The following NOC2L variants were observed in gnomAD, a reference collection of about 807,000 sequenced individuals.
The protein encoded by NOC2L is nucleolar complex protein 2 homolog.
Under a neutral mutation model 94.2 loss-of-function variants are expected in NOC2L, and 101 were observed. That is an observed-to-expected ratio of 1.07 (90% CI 0.91 to 1.26). The LOEUF (loss-of-function observed/expected upper bound fraction) is 1.26. NOC2L is among the 50% of genes most tolerant of loss of function. NOC2L has a pLI of 0.00. For synonymous variants in NOC2L, 531 were observed against 413.4 expected, an observed-to-expected ratio of 1.28 and a Z score of -3.45; for missense variants, 1,076 against 980.1, an observed-to-expected ratio of 1.10 and a Z score of -1.31.
At position 952,544 on chromosome 1, in the gene NOC2L, G is replaced by A. The variant is rs767621017; in HGVS notation, c.1059C>T (p.Pro353=). The A allele has an allele frequency of 8.1e-6, 13 of 1,613,806 alleles. No individual in the cohort carries two copies. The highest frequency in any genetic ancestry group is 2.2e-5 in the South Asian group (2 of 91,088). The change falls in exon 10 of 19, where the codon CCC becomes CCT. Residue 353 remains proline, a synonymous_variant. Transcript: ENST00000327044. Reference sequence around the variant, plus strand: ...AGGTCCACTGCATGAAACTGATGAAGGGGAGGGCACCAGGCGAGGTGAACT... The same window carrying A: ...AGGTCCACTGCATGAAACTGATGAAAGGGAGGGCACCAGGCGAGGTGAACT... ...NCKFTSPGAL[P]FISFMQWTLT... is the part of the protein sequence containing the mutation.
intron 18 of NOC2L, 21 bp from the exon 19 acceptor site, chr1:944,821 T>C (rs527571882): frequency 1.0e-5 from 15 of 1,496,096 alleles, no homozygotes; most frequent in Non-Finnish European, 1.4e-5. Flanking sequence ...AGATGGAGGC[T>C]ACATAAATTT....
chr1:944,453 T>C lies in NOC2L; in HGVS notation c.*241A>G. On this transcript the variant is annotated 3_prime_UTR_variant, in exon 19 of 19. Transcript: ENST00000327044. ...TCGGTCTGCTGACGTCAGGGTCAGCTCCCCCGCGGAGCTGACTTCAGCAGC... is the reference window on the plus strand; with the variant it reads ...TCGGTCTGCTGACGTCAGGGTCAGCCCCCCCGCGGAGCTGACTTCAGCAGC... 3.5e-6 allele frequency: 3 copies of C among 862,286 alleles called. No homozygotes were observed. Among genetic ancestry groups the C allele is most frequent in the East Asian group, 3.1e-5 (1 of 32,232 alleles). The allele number at this position is 862,286 out of a possible 1,614,324, so 53.4% of individuals were successfully genotyped here. A position where few individuals can be genotyped will look rare whatever the true frequency, so the allele number is the denominator to read the frequency against.
chr1:954,737 G>A (rs1333003978), intron 6 of NOC2L, among the ~76,000 whole-genome samples: 1 of 151,590 alleles, frequency 6.6e-6, no homozygotes, highest in South Asian at 2.1e-4. Flanking sequence ...TAAGGTGAGA[G>A]AATCACTTGA....
chr1:951,946 G>A (rs1642271163), intron 11 of NOC2L, 54 bp downstream of exon 11: 1 of 1,567,606 alleles, frequency 6.4e-7, no homozygotes, highest in Non-Finnish European at 8.7e-7. Flanking sequence ...CACAGTCCCA[G>A]CAAATTTGCT....
chr1:946,128 C>T (rs1213499639), intron 16 of NOC2L, 45 bp downstream of exon 16: 1 of 1,398,024 alleles, frequency 7.2e-7, no homozygotes, highest in Non-Finnish European at 1.0e-6. Flanking sequence ...GATCTGAAAC[C>T]CAGGAAGTCA....
At position 954,053 on chromosome 1, in the gene NOC2L, C is replaced by T. The variant is rs752562459; in HGVS notation, c.728G>A (p.Trp243Ter). 1 of 1,610,342 alleles carries T rather than the reference C, an allele frequency of 6.2e-7. No homozygotes were observed. The highest frequency in any genetic ancestry group is 8.5e-7 in the Non-Finnish European group (1 of 1,177,620). The change falls in exon 7 of 19, where the codon TGG (tryptophan) becomes TAG (stop). Residue 243 changes from tryptophan to a stop codon, truncating the protein, a stop_gained. Coordinates refer to ENST00000327044, the MANE Select transcript of NOC2L (RefSeq NM_015658.4). LOFTEE classifies it high-confidence loss of function. ...CTTGATGTCCACACGAAGCTTCCCC[C>T]AGAGCGGGCTGCTGGACGGCTGCAG... is the stretch of plus-strand genomic sequence containing the variant. ...RMLQPSSSPL[W>*]GKLRVDIKAY...
chr1:956,979 T>C lies in NOC2L; in HGVS notation c.401A>G (p.Asp134Gly). 1 of 1,614,100 alleles carries C rather than the reference T, an allele frequency of 6.2e-7. No homozygotes were observed. The highest frequency in any genetic ancestry group is 8.5e-7 in the Non-Finnish European group (1 of 1,180,030). The change falls in exon 4 of 19, where the codon GAC becomes GGC. Residue 134 changes from aspartate (D) to glycine (G), a missense_variant. By Grantham distance (94) the Asp-to-Gly change is moderately conservative. Transcript: ENST00000327044. ...CCCCTTCAGCCCTCTGGGGACTCTG[T>C]CCCCATCTTCTCCTTCCTCCGCTCC... ...EDGAEEGEDG[D>G]RVPRGLKGKK... is the part of the protein sequence containing the mutation.
In NOC2L at chr1:944,449, C is replaced by G. The variant is rs1374264722; in HGVS notation, c.*245G>C. 5 of 905,570 alleles carry G rather than the reference C, an allele frequency of 5.5e-6. No homozygotes were observed. In the East Asian group the frequency reaches 1.5e-4, roughly 28 times the overall value. 56.1% of individuals were successfully genotyped at this position (905,570 alleles called of 1,614,324 possible). A position where few individuals can be genotyped will look rare whatever the true frequency, so the allele number is the denominator to read the frequency against. Reference sequence around the variant, plus strand: ...GGTCTCGGTCTGCTGACGTCAGGGTCAGCTCCCCCGCGGAGCTGACTTCAG... The same window carrying G: ...GGTCTCGGTCTGCTGACGTCAGGGTGAGCTCCCCCGCGGAGCTGACTTCAG... On this transcript the variant is annotated 3_prime_UTR_variant, in exon 19 of 19. Transcript: ENST00000327044.
At chr1:957,664 C>G (rs1352460533) in intron 2 of NOC2L, 2 of 209,070 alleles carry the variant, frequency 9.6e-6, no homozygotes, top group Non-Finnish European at 2.0e-5. Flanking sequence ...GTCATCAGAT[C>G]TCATCAGCAA....
intron 4 of NOC2L, 121 bp downstream of exon 4, chr1:956,773 G>A (rs1642415063): frequency 1.4e-6 from 2 of 1,453,034 alleles, no homozygotes; most frequent in African/African-American, 1.4e-5. Context: ...CCTCAGGTGA[G>A]GCAAGGCCAG....
chr1:952,878 C>T (rs1642297509), intron 9 of NOC2L, among the ~76,000 whole-genome samples: 1 of 152,200 alleles, frequency 6.6e-6, no homozygotes, highest in African/African-American at 2.4e-5. Context: ...GGACTGTACC[C>T]TGGCCATGGC....
Position 944,677 on chromosome 1 carries a change from C to A in NOC2L, c.*17G>T. On this transcript the variant is annotated 3_prime_UTR_variant, in exon 19 of 19. Coordinates refer to ENST00000327044, the MANE Select transcript of NOC2L (RefSeq NM_015658.4). ...CACCAGCCCGGCAGCCCCTACAGGCCCCCCAGATGGGCTGCCTCAGTCGTC... is the reference window on the plus strand; with the variant it reads ...CACCAGCCCGGCAGCCCCTACAGGCACCCCAGATGGGCTGCCTCAGTCGTC... 6.6e-7 allele frequency: 1 copy of A among 1,525,080 alleles called. No homozygotes were observed. Among genetic ancestry groups the A allele is most frequent in the Non-Finnish European group, 9.0e-7 (1 of 1,116,642 alleles). The allele number at this position is 1,525,080 out of a possible 1,614,324, so 94.5% of individuals were successfully genotyped here. A position where few individuals can be genotyped will look rare whatever the true frequency, so the allele number is the denominator to read the frequency against.
rs1440153909 is a variant in NOC2L at position 958,362 on chromosome 1, C to T, written c.179+567G>A. On this transcript the variant is annotated intron_variant, in intron 2 of 18. Transcript: ENST00000327044. ...CCGCCTCCCAAGTTCAAGCGATTCTCCTGCCTCAGCCTCCCGAGTAGTTGG... is the reference window on the plus strand; with the variant it reads ...CCGCCTCCCAAGTTCAAGCGATTCTTCTGCCTCAGCCTCCCGAGTAGTTGG... The T allele has an allele frequency of 7.4e-6, 2 of 271,774 alleles. 1 individual carries two copies. The highest frequency in any genetic ancestry group is 1.5e-5 in the Non-Finnish European group (2 of 136,986). 16.8% of individuals were successfully genotyped at this position (271,774 alleles called of 1,614,324 possible). A position where few individuals can be genotyped will look rare whatever the true frequency, so the allele number is the denominator to read the frequency against.
intron 18 of NOC2L, 82 bp downstream of exon 18, chr1:944,975 C>T: frequency 1.3e-6 from 2 of 1,599,792 alleles, no homozygotes; most frequent in East Asian, 2.2e-5. Flanking sequence ...GGCCCAGAGC[C>T]CCACGCCCCC....
chr1:948,435 C>A lies in NOC2L; in HGVS notation c.1557+55G>T, dbSNP rs1026484897. On this transcript the variant is annotated intron_variant, in intron 13 of 18. Transcript: ENST00000327044. ...CAGCCCCCTCCCATCCACCTCAGCA[C>A]CCCCAACCCCACCCTGGGAACTGCC... 4 of 1,370,076 alleles carry A rather than the reference C, an allele frequency of 2.9e-6. No homozygotes were observed. In the African/African-American group the frequency reaches 4.3e-5, roughly 15 times the overall value. The allele number at this position is 1,370,076 out of a possible 1,614,324, so 84.9% of individuals were successfully genotyped here. A position where few individuals can be genotyped will look rare whatever the true frequency, so the allele number is the denominator to read the frequency against.
At chr1:955,208 A>G (rs1489761884) in intron 6 of NOC2L, among the ~76,000 whole-genome samples, 1 of 152,376 alleles carries the variant, frequency 6.6e-6, no homozygotes, top group East Asian at 1.9e-4. Context: ...CCATGTGGAC[A>G]TGGCTCTGTT....
At position 948,227 on chromosome 1, in the gene NOC2L, G is replaced by A; in HGVS notation, c.1563C>T (p.Gly521=). The change falls in exon 14 of 19, where the codon GGC becomes GGT. Residue 521 remains glycine (G), a synonymous_variant. Transcript: ENST00000327044. ...TGAGGTCGTACAGCTGCTCCACCAG[G>A]CCGTCCTGAAGAGCAGGAGAGAGGG... ...VNLQEKAYRD[G]LVEQLYDLTL... 1.3e-6 allele frequency: 2 copies of A among 1,578,898 alleles called. No homozygotes were observed. The highest frequency in any genetic ancestry group is 8.6e-7 in the Non-Finnish European group (1 of 1,162,384).
rs764097872 is a variant in NOC2L at position 953,876 on chromosome 1, G to A, written c.794C>T (p.Ser265Leu). ...GSAIQLVSCL[S>L]ETTVLAAVLR... Reference sequence around the variant, plus strand: ...CACGGCCGCCAACACCGTCGTCTCCGACAGACAGGACACCAGCTGGGGGCA... The same window carrying A: ...CACGGCCGCCAACACCGTCGTCTCCAACAGACAGGACACCAGCTGGGGGCA... The change falls in exon 8 of 19, where the codon TCG becomes TTG. Residue 265 changes from serine (S) to leucine (L), a missense_variant. Ser to Leu is a moderately radical substitution (Grantham distance 145, BLOSUM62 -2). Coordinates refer to ENST00000327044, the MANE Select transcript of NOC2L (RefSeq NM_015658.4). 7.0e-5 allele frequency: 113 copies of A among 1,613,034 alleles called. No homozygotes were observed. Among genetic ancestry groups the A allele is most frequent in the East Asian group, 3.3e-4 (15 of 44,886 alleles).
At position 955,948 on chromosome 1, in the gene NOC2L, C is replaced by T. The variant is rs780202164; in HGVS notation, c.673G>A (p.Gly225Arg). Reference sequence around the variant, plus strand: ...CTGCTGCTATCCTTTGCCACCTTTCCAAACAGCAGCTTCTGGAGACAGCCA... The same window carrying T: ...CTGCTGCTATCCTTTGCCACCTTTCTAAACAGCAGCTTCTGGAGACAGCCA... ...LIGCLQKLLF[G>R]KVAKDSSRML... The change falls in exon 6 of 19, where the codon GGA (glycine) becomes AGA (arginine). Residue 225 changes from glycine to arginine, a missense_variant. This residue lies in a region of NOC2L where 457 missense variants were observed against 386.0 expected (regional missense o/e 1.18). Coordinates refer to ENST00000327044, the MANE Select transcript of NOC2L (RefSeq NM_015658.4). The T allele has an allele frequency of 6.2e-7, 1 of 1,613,884 alleles. No individual in the cohort carries two copies. Among genetic ancestry groups the T allele is most frequent in the African/African-American group, 1.3e-5 (1 of 74,888 alleles).
Sources: gnomAD v4.1 joint callset for allele counts (sites outside exome capture counted in the v4.1 genomes callset) on GRCh38, gnomAD v4.1.1 for gene constraint, gnomAD v4.1.1 regional missense constraint, MANE v1.5 for transcripts, NCBI Gene and HGNC (gene_info 2026-07-23, HGNC 2026-07-21) for gene names.